Variants in COMMD9 observed in about 807,000 individuals in gnomAD.
COMMD9 encodes the protein COMM domain-containing protein 9.
In COMMD9, 22 loss-of-function variants were observed where a neutral mutation model predicts 23.4. That is an observed-to-expected ratio of 0.94 (90% CI 0.67 to 1.34). COMMD9 has a LOEUF of 1.34. COMMD9 is among the 40% of genes most tolerant of loss of function. COMMD9 has a pLI of 0.00. For synonymous variants in COMMD9, 99 were observed against 97.4 expected (o/e 1.02, Z -0.10); for missense variants, 231 against 240.2 (o/e 0.96, Z 0.25).
In COMMD9 at chr11:36,284,897, A is replaced by G. The variant is rs555408904; in HGVS notation, c.52-4060T>C. Among the ~76,000 whole-genome samples, 3 of 152,354 alleles carry G rather than the reference A, an allele frequency of 2.0e-5. No homozygotes were observed. The South Asian group carries it at 6.2e-4, about 32-fold the overall frequency. On this transcript the variant is annotated intron_variant, in intron 1 of 5. Transcript: ENST00000263401. ...CTAGCAAGTGGTGAGATGAAATTTT[A>G]TAGTATTAAATGCATATACTAGAAA... is the stretch of plus-strand genomic sequence containing the variant.
At position 36,288,897 on chromosome 11, in the gene COMMD9, G is replaced by A. The variant is rs975459915; in HGVS notation, c.51+465C>T. On this transcript the variant is annotated intron_variant, in intron 1 of 5. Transcript: ENST00000263401. ...CAAATGATTATCAGGAGTATGTCCT[G>A]CCCCTTTCGCAGGTCAAAGAGAGTA... Among the ~76,000 whole-genome samples the A allele has an allele frequency of 2.0e-5, 3 of 152,260 alleles. No individual in the cohort carries two copies. The South Asian group carries it at 6.2e-4, about 32-fold the overall frequency.
intron 4 of COMMD9, chr11:36,276,647 C>T (rs71481909): frequency 0.14 from 28,951 of 202,096 alleles, 2,282 homozygotes; most frequent in Admixed American, 0.24. Context: ...CTTATCTAAC[C>T]TCTGAGCTTC....
chr11:36,277,596 G>A (rs1353329656), intron 3 of COMMD9, among the ~76,000 whole-genome samples: 10 of 152,220 alleles, frequency 6.6e-5, no homozygotes, highest in Non-Finnish European at 4.4e-5. Flanking sequence ...TTGGTAAATA[G>A]GCATTATCAG....
At chr11:36,276,057 T>C in intron 5 of COMMD9, 80 bp downstream of exon 5, 1 of 1,025,176 alleles carries the variant, frequency 9.8e-7, no homozygotes, top group Non-Finnish European at 1.5e-6. Flanking sequence ...GGGTTAGAGA[T>C]CCCAAACCTT....
intron 1 of COMMD9, among the ~76,000 whole-genome samples, chr11:36,284,473 C>T (rs560030386): frequency 1.3e-4 from 20 of 152,300 alleles, no homozygotes; most frequent in African/African-American, 3.6e-4. Flanking sequence ...ACTGACATAA[C>T]TAAACAGATA....
At chr11:36,283,520 T>C (rs930257046) in intron 1 of COMMD9, among the ~76,000 whole-genome samples, 1 of 152,122 alleles carries the variant, frequency 6.6e-6, no homozygotes, top group Non-Finnish European at 1.5e-5. Context: ...AAGTTACGTA[T>C]ATAGAATGTA....
chr11:36,282,424 TA>T (rs1008464397), intron 1 of COMMD9, among the ~76,000 whole-genome samples: 4 of 150,790 alleles, frequency 2.7e-5, no homozygotes, highest in African/African-American at 4.9e-5. Flanking sequence ...CTTACCTATT[TA>T]AAAAAAACAA....
Position 36,273,164 on chromosome 11 carries a change from A to T in COMMD9, c.*1468T>A, listed in dbSNP as rs1456764936. 6.6e-6 allele frequency: 1 copy of T among 152,230 alleles called. No individual in the cohort carries two copies. Among genetic ancestry groups the T allele is most frequent in the Non-Finnish European group, 1.5e-5 (1 of 68,046 alleles). The allele number at this position is 152,230 out of a possible 1,614,324, so 9.4% of individuals were successfully genotyped here. On this transcript the variant is annotated 3_prime_UTR_variant, in exon 6 of 6. Transcript: ENST00000263401. The stretch of plus-strand genomic sequence containing the variant: ...TTGAGATGTAGAAGTCAAGCACCTT[A>T]CCACTGAGAAGCAGAGCTGGCTTCT...
At chr11:36,284,760 G>A (rs1856124015) in intron 1 of COMMD9, among the ~76,000 whole-genome samples, 1 of 152,122 alleles carries the variant, frequency 6.6e-6, no homozygotes, top group African/African-American at 2.4e-5. Flanking sequence ...AACTTAAACA[G>A]TACACTTCTA....
chr11:36,286,476 G>A (rs906472486), intron 1 of COMMD9, among the ~76,000 whole-genome samples: 3 of 150,382 alleles, frequency 2.0e-5, no homozygotes, highest in African/African-American at 4.9e-5. Context: ...GTGGGCACCT[G>A]TAGTCCTAGC....
chr11:36,276,245 G>T lies in COMMD9; in HGVS notation c.353-5C>A. On this transcript the variant is annotated splice_region_variant and splice_polypyrimidine_tract_variant and intron_variant, in intron 4 of 5. Transcript: ENST00000263401. ...CGACCAGGCGTGGCAGAGAGACTGT[G>T]GAAGGAACAGCTCAGCTCAATGCTC... is the stretch of plus-strand genomic sequence containing the variant. The T allele has an allele frequency of 2.5e-6, 4 of 1,604,496 alleles. No individual in the cohort carries two copies. Among genetic ancestry groups the T allele is most frequent in the Non-Finnish European group, 3.4e-6 (4 of 1,171,206 alleles).
Position 36,282,605 on chromosome 11 carries a change from C to T in COMMD9, c.52-1768G>A, listed in dbSNP as rs1009422226. On this transcript the variant is annotated intron_variant, in intron 1 of 5. Transcript: ENST00000263401. ...CGAGACATTCTCAGTTGAAGAAAAACTAAGAATATCTGTCACAAGACCTGC... is the reference window on the plus strand; with the variant it reads ...CGAGACATTCTCAGTTGAAGAAAAATTAAGAATATCTGTCACAAGACCTGC... 2.6e-5 allele frequency among the ~76,000 whole-genome samples: 4 copies of T among 151,984 alleles called. No homozygotes were observed. In the East Asian group the frequency reaches 7.7e-4, roughly 29 times the overall value.
chr11:36,277,146 G>A (rs1160702193), intron 3 of COMMD9, 23 bp from the exon 4 acceptor site: 3 of 1,567,700 alleles, frequency 1.9e-6, no homozygotes, highest in Non-Finnish European at 2.6e-6. Flanking sequence ...GAAAGATGAG[G>A]AAAAAATAAT....
At chr11:36,280,582 T>C in intron 2 of COMMD9, 130 bp downstream of exon 2, 1 of 867,586 alleles carries the variant, frequency 1.2e-6, no homozygotes, top group Non-Finnish European at 1.7e-6. Flanking sequence ...TCATGTCCCA[T>C]TTATAAAAGT....
intron 2 of COMMD9, among the ~76,000 whole-genome samples, chr11:36,279,941 AC>A (rs1856037557): frequency 6.6e-6 from 1 of 152,142 alleles, no homozygotes; most frequent in East Asian, 1.9e-4. Flanking sequence ...CCCTGTCTCT[AC>A]AAAAAATACA....
chr11:36,278,708 G>T (rs1356586880), intron 2 of COMMD9, 92 bp from the exon 3 acceptor site: 10 of 1,250,224 alleles, frequency 8.0e-6, no homozygotes, highest in Non-Finnish European at 1.1e-5. Flanking sequence ...ACACCCCGAA[G>T]GCTGCACACT....
intron 1 of COMMD9, among the ~76,000 whole-genome samples, chr11:36,285,203 A>C (rs1856131617): frequency 6.6e-6 from 1 of 152,176 alleles, no homozygotes; most frequent in African/African-American, 2.4e-5. Context: ...GCAGACATCA[A>C]AAGGATAATG....
chr11:36,284,988 A>G (rs4418777), intron 1 of COMMD9, among the ~76,000 whole-genome samples: 55,039 of 152,072 alleles, frequency 0.36, 10,987 homozygotes, highest in Non-Finnish European at 0.44. Flanking sequence ...GGAAAGCATA[A>G]TAAACCCAAA....
chr11:36,274,465 G>A lies in COMMD9; in HGVS notation c.*167C>T. On this transcript the variant is annotated 3_prime_UTR_variant, in exon 6 of 6. Transcript: ENST00000263401. ...ATGAGTGAGAACAGCGGGGGATCTG[G>A]CTGCTTCTTCCCAATCCAACTGTAA... 2 of 846,648 alleles carry A rather than the reference G, an allele frequency of 2.4e-6. No individual in the cohort carries two copies. The highest frequency in any genetic ancestry group is 2.8e-5 in the South Asian group (2 of 72,524). The allele number at this position is 846,648 out of a possible 1,614,324, so 52.4% of individuals were successfully genotyped here.
Sources: allele counts gnomAD v4.1 joint callset (sites outside exome capture counted in the v4.1 genomes callset), GRCh38; gene constraint gnomAD v4.1.1; transcripts MANE v1.5; gene names NCBI Gene and HGNC (gene_info 2026-07-23, HGNC 2026-07-21).